ADCY2: variants seen among roughly 807,000 people sequenced by gnomAD.
The protein encoded by ADCY2 is adenylate cyclase type 2.
Under a neutral mutation model 125.2 loss-of-function variants are expected in ADCY2, and 31 were observed. The observed-to-expected ratio is 0.25, with a 90% CI of 0.19 to 0.33. ADCY2 has a LOEUF of 0.33. Among genes scored for constraint, ADCY2 ranks in the 10% least tolerant of loss-of-function variants. ADCY2 has a pLI of 1.00. For synonymous variants in ADCY2, 512 were observed against 548.4 expected (o/e 0.93, Z 0.93); for missense variants, 904 against 1,418.2 (o/e 0.64, Z 5.82).
intron 2 of ADCY2, among the ~76,000 whole-genome samples, chr5:7,482,924 G>T (rs953981605): frequency 2.6e-5 from 4 of 151,746 alleles, no homozygotes; most frequent in Non-Finnish European, 5.9e-5. Context: ...ACAGAAAGAC[G>T]AATACCACAT....
At chr5:7,401,945 T>C (rs776675514) in intron 1 of ADCY2, among the ~76,000 whole-genome samples, 5 of 152,210 alleles carry the variant, frequency 3.3e-5, no homozygotes, top group Non-Finnish European at 7.3e-5. Context: ...ATCGAGACAA[T>C]TCATTGAACC....
intron 4 of ADCY2, among the ~76,000 whole-genome samples, chr5:7,661,638 G>A (rs564671167): frequency 3.3e-5 from 5 of 152,242 alleles, no homozygotes; most frequent in East Asian, 1.9e-4. Flanking sequence ...TCCAAATCAC[G>A]ATATTCACTT....
At chr5:7,482,491 G>T (rs558780520) in intron 2 of ADCY2, among the ~76,000 whole-genome samples, 2 of 152,058 alleles carry the variant, frequency 1.3e-5, no homozygotes, top group African/African-American at 4.8e-5. Context: ...AAGATGTGGA[G>T]CAAACTCTTA....
chr5:7,714,186 A>G (rs569767178), intron 11 of ADCY2, among the ~76,000 whole-genome samples: 2 of 152,366 alleles, frequency 1.3e-5, no homozygotes, highest in Admixed American at 6.5e-5. Flanking sequence ...AGCCCATAAG[A>G]CACCTGGAGA....
chr5:7,816,827 T>A, intron 22 of ADCY2, 39 bp from the exon 23 acceptor site: 1 of 1,541,914 alleles, frequency 6.5e-7, no homozygotes. Flanking sequence ...CCAGCTGTGA[T>A]GCTCTAACTT....
At position 7,476,698 on chromosome 5, in the gene ADCY2, T is replaced by A. The variant is rs73046322; in HGVS notation, c.409-44040T>A. 7.9e-3 allele frequency among the ~76,000 whole-genome samples: 1,208 copies of A among 152,282 alleles called. 17 individuals are homozygous for A. The highest frequency in any genetic ancestry group is 0.027 in the African/African-American group (1,138 of 41,568). On this transcript the variant is annotated intron_variant, in intron 2 of 24. Transcript: ENST00000338316. ...AGCTGATTCTTATGGTTCTGTCTTG[T>A]CTACACAAGGATGGACAAGATCAAC...
chr5:7,441,479 CTT>C (rs1200023867), intron 2 of ADCY2, among the ~76,000 whole-genome samples: 1 of 151,386 alleles, frequency 6.6e-6, no homozygotes, highest in African/African-American at 2.4e-5. Flanking sequence ...ATTTTCTTGA[CTT>C]GATGACTAGG....
At chr5:7,812,194 G>A (rs1744966047) in intron 22 of ADCY2, among the ~76,000 whole-genome samples, 1 of 152,176 alleles carries the variant, frequency 6.6e-6, no homozygotes, top group South Asian at 2.1e-4. Context: ...ATCGAGAATA[G>A]CTTAGGTCTC....
At chr5:7,569,363 G>T (rs541259492) in intron 3 of ADCY2, among the ~76,000 whole-genome samples, 9 of 152,042 alleles carry the variant, frequency 5.9e-5, no homozygotes, top group African/African-American at 1.9e-4. Context: ...CTTGAGGCTT[G>T]AAAAAGACTT....
chr5:7,806,676 G>T (rs1744771539), intron 22 of ADCY2, among the ~76,000 whole-genome samples: 1 of 152,090 alleles, frequency 6.6e-6, no homozygotes, highest in Admixed American at 6.6e-5. Context: ...CAGTTCCGTT[G>T]GATCGGAGCT....
At chr5:7,598,743 G>A (rs906814825) in intron 3 of ADCY2, among the ~76,000 whole-genome samples, 1 of 152,148 alleles carries the variant, frequency 6.6e-6, no homozygotes, top group African/African-American at 2.4e-5. Context: ...CCAGTGAAAC[G>A]TGAGCAGCAG....
At chr5:7,412,463 G>T (rs569438958) in intron 1 of ADCY2, among the ~76,000 whole-genome samples, 1 of 152,262 alleles carries the variant, frequency 6.6e-6, no homozygotes, top group East Asian at 1.9e-4. Flanking sequence ...CAGATAACAC[G>T]CTGTCATGTC....
At chr5:7,723,648 C>T (rs779449165) in intron 12 of ADCY2, among the ~76,000 whole-genome samples, 3 of 152,038 alleles carry the variant, frequency 2.0e-5, no homozygotes, top group Admixed American at 6.5e-5. Flanking sequence ...TCGGGACAGG[C>T]GCGGTGGCTC....
At chr5:7,791,885 T>C (rs326132) in intron 20 of ADCY2, among the ~76,000 whole-genome samples, 30,163 of 151,954 alleles carry the variant, frequency 0.2, 3,674 homozygotes, top group East Asian at 0.62. Flanking sequence ...AGGCTGCCAC[T>C]GTGAGGAAGT....
chr5:7,509,740 T>C (rs146303291), intron 2 of ADCY2, among the ~76,000 whole-genome samples: 3 of 152,368 alleles, frequency 2.0e-5, no homozygotes, highest in African/African-American at 4.8e-5. Context: ...TCACATTCTA[T>C]AGAGTTGATA....
At chr5:7,411,759 C>T (rs1205153269) in intron 1 of ADCY2, among the ~76,000 whole-genome samples, 1 of 152,160 alleles carries the variant, frequency 6.6e-6, no homozygotes, top group African/African-American at 2.4e-5. Context: ...GGGTCTCTGT[C>T]TTGTTGACAG....
chr5:7,700,606 TCC>T (rs1741046214), intron 7 of ADCY2, among the ~76,000 whole-genome samples: 1 of 151,828 alleles, frequency 6.6e-6, no homozygotes, highest in Admixed American at 6.6e-5. Context: ...ATACATCAAG[TCC>T]TGTTGTCACT....
chr5:7,487,326 A>G (rs1425375993), intron 2 of ADCY2, among the ~76,000 whole-genome samples: 2 of 152,012 alleles, frequency 1.3e-5, no homozygotes, highest in African/African-American at 4.8e-5. Flanking sequence ...GACCCCCACC[A>G]TCACCACTGC....
intron 14 of ADCY2, among the ~76,000 whole-genome samples, chr5:7,742,252 A>G (rs563968910): frequency 2.2e-4 from 33 of 152,182 alleles, no homozygotes; most frequent in Admixed American, 3.3e-4. Context: ...AGCGCCCTCC[A>G]TAGCTCTGAG....
Sources: allele counts gnomAD v4.1 joint callset (sites outside exome capture counted in the v4.1 genomes callset), GRCh38; gene constraint gnomAD v4.1.1; transcripts MANE v1.5; gene names NCBI Gene and HGNC (gene_info 2026-07-23, HGNC 2026-07-21).